NPAS3: variants seen among roughly 807,000 people sequenced by gnomAD.
The protein encoded by NPAS3 is neuronal PAS domain-containing protein 3.
In NPAS3, 14 loss-of-function variants were observed where a neutral mutation model predicts 73.1. The ratio of observed to expected loss-of-function variants is 0.19; its 90% CI spans 0.13 to 0.30. The LOEUF (loss-of-function observed/expected upper bound fraction) is 0.30, where lower values mean the gene tolerates loss of function less well. NPAS3 is among the 10% of genes least tolerant of loss of function. The pLI, the probability that NPAS3 is intolerant of heterozygous loss-of-function variation, is 1.00. For synonymous variants in NPAS3, 620 were observed against 541.5 expected, an observed-to-expected ratio of 1.14 and a Z score of -2.01; for missense variants, 1,096 against 1,250.0, an observed-to-expected ratio of 0.88 and a Z score of 1.86.
At chr14:33,574,978 G>GA (rs1555415183) in intron 5 of NPAS3, among the ~76,000 whole-genome samples, 2 of 151,924 alleles carry the variant, frequency 1.3e-5, no homozygotes, top group Admixed American at 6.6e-5. Context: ...TGGTGCAAGG[G>GA]ACAAGGATGC....
chr14:33,551,044 G>A (rs2055088122), intron 4 of NPAS3, among the ~76,000 whole-genome samples: 1 of 152,142 alleles, frequency 6.6e-6, no homozygotes, highest in Non-Finnish European at 1.5e-5. Flanking sequence ...AAAATAAAGA[G>A]CAAAGAACCT....
At chr14:33,467,455 G>A (rs2050579543) in intron 4 of NPAS3, among the ~76,000 whole-genome samples, 1 of 152,186 alleles carries the variant, frequency 6.6e-6, no homozygotes, top group Non-Finnish European at 1.5e-5. Context: ...TACACTGGAG[G>A]AGGAAATCAT....
At chr14:33,071,668 AC>A (rs2041489699) in intron 2 of NPAS3, among the ~76,000 whole-genome samples, 1 of 152,232 alleles carries the variant, frequency 6.6e-6, no homozygotes, top group Non-Finnish European at 1.5e-5. Context: ...CACAAAAGTG[AC>A]AAAATCTATA....
intron 2 of NPAS3, among the ~76,000 whole-genome samples, chr14:33,176,432 G>T (rs546271828): frequency 1.3e-5 from 2 of 152,158 alleles, no homozygotes; most frequent in South Asian, 4.1e-4. Context: ...CTCTATGAAT[G>T]TGCCTGTTCT....
rs531874687 is a variant in NPAS3, at chr14:33,578,514, A to C, written c.558+18304A>C. 3.9e-5 allele frequency among the ~76,000 whole-genome samples: 6 copies of C among 152,178 alleles called. 1 individual carries two copies. The highest frequency in any genetic ancestry group is 1.3e-4 in the Admixed American group (2 of 15,272). ...CAGCCCCAACACCCGTCTTTTGCAC[A>C]CTCAGGGGTTTGGCCAGTGGGGCTA... On this transcript the variant is annotated intron_variant, in intron 5 of 11. Transcript: ENST00000356141.
At chr14:33,154,254 AC>A (rs1178570467) in intron 2 of NPAS3, among the ~76,000 whole-genome samples, 37 of 152,266 alleles carry the variant, frequency 2.4e-4, no homozygotes, top group African/African-American at 8.9e-4. Flanking sequence ...ATGTGGCACT[AC>A]CGCTGGTTTA....
chr14:33,572,677 T>A (rs1431490796), intron 5 of NPAS3, among the ~76,000 whole-genome samples: 4 of 152,274 alleles, frequency 2.6e-5, no homozygotes, highest in Non-Finnish European at 4.4e-5. Context: ...TCGTTTTATG[T>A]GTTAAGAGAA....
At chr14:33,302,616 C>T (rs779344513) in intron 3 of NPAS3, among the ~76,000 whole-genome samples, 16 of 152,126 alleles carry the variant, frequency 1.1e-4, no homozygotes, top group Non-Finnish European at 2.1e-4. Flanking sequence ...CATAGACTGA[C>T]CTAGATTTTA....
At chr14:33,099,048 T>G (rs61974907) in intron 2 of NPAS3, among the ~76,000 whole-genome samples, 4 of 152,120 alleles carry the variant, frequency 2.6e-5, no homozygotes, top group Non-Finnish European at 5.9e-5. Context: ...TTTTTCCAAG[T>G]CACACAAAGC....
intron 9 of NPAS3, among the ~76,000 whole-genome samples, chr14:33,785,959 G>A (rs1490353725): frequency 6.6e-6 from 1 of 152,152 alleles, no homozygotes; most frequent in Non-Finnish European, 1.5e-5. Context: ...TGTTCATTTT[G>A]GAGCTCACAG....
intron 3 of NPAS3, among the ~76,000 whole-genome samples, chr14:33,272,242 A>G (rs1462967713): frequency 6.6e-6 from 1 of 152,260 alleles, no homozygotes; most frequent in Non-Finnish European, 1.5e-5. Context: ...GTCGCTGTAC[A>G]TTTCTTCCAC....
At chr14:33,576,409 C>A (rs562398726) in intron 5 of NPAS3, among the ~76,000 whole-genome samples, 1 of 152,288 alleles carries the variant, frequency 6.6e-6, no homozygotes, top group South Asian at 2.1e-4. Context: ...CTTGAGCTTG[C>A]CTTCTGACTA....
At chr14:33,276,918 C>G (rs2041361524) in intron 3 of NPAS3, among the ~76,000 whole-genome samples, 1 of 152,000 alleles carries the variant, frequency 6.6e-6, no homozygotes, top group African/African-American at 2.4e-5. Context: ...TTTGTTGATT[C>G]ACTCACCAAA....
At chr14:33,150,100 T>C (rs1566612945) in intron 2 of NPAS3, among the ~76,000 whole-genome samples, 1 of 152,222 alleles carries the variant, frequency 6.6e-6, no homozygotes, top group Non-Finnish European at 1.5e-5. Context: ...TCCATGTCCC[T>C]GCAAAGGACA....
At chr14:33,719,324 T>C (rs1297176732) in intron 6 of NPAS3, among the ~76,000 whole-genome samples, 1 of 152,200 alleles carries the variant, frequency 6.6e-6, no homozygotes, top group Non-Finnish European at 1.5e-5. Flanking sequence ...TTCCTGTTCC[T>C]TGATCCACCC....
intron 4 of NPAS3, among the ~76,000 whole-genome samples, chr14:33,554,541 G>A (rs979049060): frequency 1.3e-5 from 2 of 152,188 alleles, no homozygotes; most frequent in Non-Finnish European, 2.9e-5. Context: ...AACAGATGGT[G>A]AAGGCTTAGT....
intron 4 of NPAS3, among the ~76,000 whole-genome samples, chr14:33,444,323 GGGGTGAAA>G (rs1242928369): frequency 6.6e-6 from 1 of 152,174 alleles, no homozygotes; most frequent in Non-Finnish European, 1.5e-5. Flanking sequence ...GAACAAGCAG[GGGGTGAAA>G]ACTTGCCAAA....
rs139420349 is a variant in NPAS3 at position 33,699,359 on chromosome 14, T to C, written c.733+22974T>C. Among the ~76,000 whole-genome samples the C allele has an allele frequency of 7.1e-3, 1,088 of 152,274 alleles. 7 individuals carry two copies. Among genetic ancestry groups the C allele is most frequent in the African/African-American group, 0.025 (1,038 of 41,546 alleles). ...TGTGATGAAAACAACCCTGCTAAAT[T>C]GTAAATTTGCGTTGGCAATAGATCT... On this transcript the variant is annotated intron_variant, in intron 6 of 11. Transcript: ENST00000356141.
intron 4 of NPAS3, among the ~76,000 whole-genome samples, chr14:33,439,002 A>G (rs2049114203): frequency 6.6e-6 from 1 of 152,190 alleles, no homozygotes; most frequent in Admixed American, 6.5e-5. Context: ...TGTGAAATAC[A>G]TGCAGGAATT....
Sources: gnomAD v4.1 joint callset for allele counts (sites outside exome capture counted in the v4.1 genomes callset) on GRCh38, gnomAD v4.1.1 for gene constraint, MANE v1.5 for transcripts, NCBI Gene and HGNC (gene_info 2026-07-23, HGNC 2026-07-21) for gene names.